The following SLC35E4 variants were observed in gnomAD, a reference collection of about 807,000 sequenced individuals.
SLC35E4 encodes solute carrier family 35 member E4, also known as solute carrier family 35, member E4.
A neutral mutation model predicts 19.3 loss-of-function variants in SLC35E4; 15 were observed. The ratio of observed to expected loss-of-function variants is 0.78; its 90% CI spans 0.52 to 1.20. The LOEUF is 1.20. Ranked by LOEUF, SLC35E4 falls within the 50% of genes most tolerant of loss-of-function variation. The probability of loss-of-function intolerance (pLI) is 0.00; values close to 1 mark genes in which losing one functional copy is unlikely to be tolerated. For missense variants in SLC35E4, 406 were observed against 472.3 expected, an observed-to-expected ratio of 0.86 and a Z score of 1.30; for synonymous variants, 219 against 219.9, an observed-to-expected ratio of 1.00 and a Z score of 0.04.
chr22:30,663,395 G>C, downstream of SLC35E4: 4 of 1,557,188 alleles, frequency 2.6e-6, no homozygotes, highest in Non-Finnish European at 3.5e-6. Context: ...ATCAACAATA[G>C]ATCTGTACCT....
downstream of SLC35E4, chr22:30,668,201 C>G (rs2088750633): frequency 6.4e-6 from 1 of 155,316 alleles, no homozygotes. Context: ...ACCTCGGGCT[C>G]GAACCACCCT....
Position 30,636,324 on chromosome 22 carries a change from T to A in SLC35E4, c.-127T>A, listed in dbSNP as rs2087944207. Reference sequence around the variant, plus strand: ...GGCCTGGCACAAGTAAGCAGTGTCCTCACCTGTCTGAAACGGGACACGGGG... The same window carrying A: ...GGCCTGGCACAAGTAAGCAGTGTCCACACCTGTCTGAAACGGGACACGGGG... On this transcript the variant is annotated 5_prime_UTR_variant, in exon 1 of 2. Coordinates refer to ENST00000343605, the MANE Select transcript of SLC35E4 (RefSeq NM_001001479.4). 4.6e-6 allele frequency: 6 copies of A among 1,310,006 alleles called. No individual in the cohort carries two copies. The South Asian group carries it at 9.4e-5, about 21-fold the overall frequency. The allele number at this position is 1,310,006 out of a possible 1,614,324, so 81.1% of individuals were successfully genotyped here.
rs1181318846 is a variant in SLC35E4, at chr22:30,636,468, G to A, written c.18G>A (p.Pro6=). The A allele has an allele frequency of 2.0e-6, 3 of 1,499,326 alleles. No homozygotes were observed. The highest frequency in any genetic ancestry group is 2.2e-5 in the Admixed American group (1 of 46,124). The allele number at this position is 1,499,326 out of a possible 1,614,324, so 92.9% of individuals were successfully genotyped here. MCRCP[P]EHHDGRMTSA... is the part of the protein sequence containing the mutation. The stretch of plus-strand genomic sequence containing the variant: ...TGGTGCGGATGTGCCGCTGCCCGCC[G>A]GAGCACCATGATGGCAGGATGACCT... Residue 6 remains proline (P), a synonymous_variant, in exon 1 of 2, where the codon CCG becomes CCA. Coordinates refer to ENST00000343605, the MANE Select transcript of SLC35E4 (RefSeq NM_001001479.4).
At chr22:30,662,179 T>C (rs2088495010) in exon 3 of SLC35E4, 1 of 152,218 alleles carries the variant, frequency 6.6e-6, no homozygotes. Flanking sequence ...CTATCATTCA[T>C]GATGAGAGCT....
intron 1 of SLC35E4, among the ~76,000 whole-genome samples, chr22:30,643,111 G>C (rs187653347): frequency 6.6e-6 from 1 of 152,006 alleles, no homozygotes; most frequent in Non-Finnish European, 1.5e-5. Flanking sequence ...TCCTTCTTGG[G>C]CCAGTTGTAG....
chr22:30,647,165 A>T lies in SLC35E4; in HGVS notation c.*134A>T. 1 of 1,121,624 alleles carries T rather than the reference A, an allele frequency of 8.9e-7. No homozygotes were observed. Among genetic ancestry groups the T allele is most frequent in the East Asian group, 2.6e-5 (1 of 38,178 alleles). The allele number at this position is 1,121,624 out of a possible 1,614,324, so 69.5% of individuals were successfully genotyped here. A position where few individuals can be genotyped will look rare whatever the true frequency, so the allele number is the denominator to read the frequency against. The stretch of plus-strand genomic sequence containing the variant: ...ATAATCCCAGCACTTCCAGAGTCCG[A>T]GGTGGGTGGATCACCTGAGGCCAGG... On this transcript the variant is annotated 3_prime_UTR_variant, in exon 2 of 2. Transcript: ENST00000343605.
chr22:30,667,804 G>C (rs117945007), downstream of SLC35E4: 1 of 138,280 alleles, frequency 7.2e-6, no homozygotes, highest in East Asian at 1.9e-4. Context: ...CCATCTCTAC[G>C]GCAACGGGCC....
intron 2 of SLC35E4, among the ~76,000 whole-genome samples, chr22:30,660,548 A>G (rs766315092): frequency 1.8e-4 from 28 of 152,326 alleles, no homozygotes; most frequent in Admixed American, 3.9e-4. Flanking sequence ...TCATGTTATC[A>G]ATGACACAGA....
chr22:30,663,855 A>G, downstream of SLC35E4: 1 of 1,614,238 alleles, frequency 6.2e-7, no homozygotes, highest in African/African-American at 1.3e-5. Context: ...TGAGACATTG[A>G]TGACCATGGT....
chr22:30,651,367 A>ATTTTTTTTT (rs35299835), downstream of SLC35E4, among the ~76,000 whole-genome samples: 1 of 77,020 alleles, frequency 1.3e-5, no homozygotes, highest in African/African-American at 5.8e-5. Context: ...CACGTGGCTA[A>ATTTTTTTTT]TTTTTGTGTG....
At chr22:30,650,067 C>G (rs576819021), downstream of SLC35E4, among the ~76,000 whole-genome samples, 21 of 149,554 alleles carry the variant, frequency 1.4e-4, no homozygotes, top group Non-Finnish European at 2.4e-4. Flanking sequence ...TGTGGTGGCT[C>G]ACGCCTGTAA....
chr22:30,660,715 C>T lies in SLC35E4; in HGVS notation c.*9-1345C>T, dbSNP rs545626040. ...TACATCATAATTAAACTGATGAGAA[C>T]CAAAGACAAGGAGAAAATCTTAAAA... On this transcript the variant is annotated intron_variant, in intron 2 of 2. Coordinates refer to the SLC35E4 transcript ENST00000406566. Among the ~76,000 whole-genome samples, 3 of 152,040 alleles carry T rather than the reference C, an allele frequency of 2.0e-5. No homozygotes were observed. The East Asian group carries it at 5.8e-4, about 29-fold the overall frequency.
At chr22:30,642,653 A>C (rs191736689) in intron 1 of SLC35E4, among the ~76,000 whole-genome samples, 1,983 of 150,802 alleles carry the variant, frequency 0.013, 24 homozygotes, top group Non-Finnish European at 0.02. Flanking sequence ...AGGTAGGAGA[A>C]TCTCTTGAAC....
Position 30,661,642 on chromosome 22 carries a change from CCA to C in SLC35E4, c.*9-415_*9-414del, listed in dbSNP as rs1464036508. 6 of 152,082 alleles carry C rather than the reference CCA, an allele frequency of 3.9e-5. No homozygotes were observed. In the East Asian group the frequency reaches 9.6e-4, roughly 24 times the overall value. The allele number at this position is 152,082 out of a possible 1,614,324, so 9.4% of individuals were successfully genotyped here. On this transcript the variant is annotated intron_variant, in intron 2 of 2. Transcript: ENST00000406566. ...ATTTGGCTTCTACTGGAATCTGGAG[CCA>C]CAGTTTGGTGTCAAACAGAGCAGCT...
chr22:30,641,717 A>C (rs1333647422), intron 1 of SLC35E4, among the ~76,000 whole-genome samples: 48 of 73,768 alleles, frequency 6.5e-4, no homozygotes, highest in Non-Finnish European at 2.2e-4. Flanking sequence ...GCTAATTTTT[A>C]ATTTTTTTTT....
downstream of SLC35E4, chr22:30,665,699 A>G: frequency 2.9e-6 from 1 of 343,166 alleles, no homozygotes; most frequent in South Asian, 2.3e-5. Flanking sequence ...CTGTCTGATT[A>G]TTTGATTAAT....
At chr22:30,662,308 A>G (rs1310532335) in exon 3 of SLC35E4, 1 of 152,202 alleles carries the variant, frequency 6.6e-6, no homozygotes, top group Non-Finnish European at 1.5e-5. Context: ...TGATGCTCCC[A>G]GGGGTCCACA....
chr22:30,637,207 T>C (rs936556723), intron 1 of SLC35E4, 138 bp downstream of exon 1: 4 of 1,330,468 alleles, frequency 3.0e-6, no homozygotes, highest in African/African-American at 1.5e-5. Flanking sequence ...GAAGCAGAAC[T>C]GAGGCTCAGA....
At chr22:30,643,228 C>G (rs569486980) in intron 1 of SLC35E4, among the ~76,000 whole-genome samples, 1 of 152,132 alleles carries the variant, frequency 6.6e-6, no homozygotes, top group Non-Finnish European at 1.5e-5. Flanking sequence ...TGGACTCCCC[C>G]GCCCGTCCGC....
Sources: allele counts gnomAD v4.1 joint callset (sites outside exome capture counted in the v4.1 genomes callset), GRCh38; gene constraint gnomAD v4.1.1; transcripts MANE v1.5; gene names NCBI Gene and HGNC (gene_info 2026-07-23, HGNC 2026-07-21).